TECPR2: variants seen among roughly 807,000 people sequenced by gnomAD.
TECPR2 encodes tectonin beta-propeller repeat-containing protein 2.
Under a neutral mutation model 138.1 loss-of-function variants are expected in TECPR2, and 65 were observed. The ratio of observed to expected loss-of-function variants is 0.47; its 90% CI spans 0.39 to 0.58. The LOEUF is 0.58. Ranked by LOEUF, TECPR2 falls within the 20% of genes least tolerant of loss-of-function variation. The pLI is 0.00. For synonymous variants in TECPR2, 746 were observed against 749.8 expected, an observed-to-expected ratio of 0.99 and a Z score of 0.08; for missense variants, 1,553 against 1,824.5, an observed-to-expected ratio of 0.85 and a Z score of 2.71.
chr14:102,409,465 A>G (rs1370185419), intron 4 of TECPR2, among the ~76,000 whole-genome samples: 2 of 151,886 alleles, frequency 1.3e-5, no homozygotes, highest in African/African-American at 4.8e-5. Context: ...ATGCCCGACT[A>G]ATTTTTGTAT....
At chr14:102,367,827 G>A (rs1287749501) in intron 1 of TECPR2, among the ~76,000 whole-genome samples, 1 of 152,028 alleles carries the variant, frequency 6.6e-6, no homozygotes, top group Non-Finnish European at 1.5e-5. Flanking sequence ...CTGCCCACTG[G>A]TGGCTGCACC....
At chr14:102,391,242 A>G (rs547048073) in intron 2 of TECPR2, among the ~76,000 whole-genome samples, 39 of 152,220 alleles carry the variant, frequency 2.6e-4, no homozygotes, top group African/African-American at 9.1e-4. Context: ...TATTTTTAAT[A>G]GAGACGGGAG....
At chr14:102,425,911 T>C (rs143668858) in intron 6 of TECPR2, among the ~76,000 whole-genome samples, 41 of 142,840 alleles carry the variant, frequency 2.9e-4, no homozygotes, top group African/African-American at 1.1e-3. Flanking sequence ...GGAGTCCTAG[T>C]ATGTCACCCA....
At chr14:102,478,483 C>T (rs1890816604) in intron 17 of TECPR2, among the ~76,000 whole-genome samples, 1 of 151,490 alleles carries the variant, frequency 6.6e-6, no homozygotes, top group Non-Finnish European at 1.5e-5. Context: ...GAGTTCAAGA[C>T]CAGCCTGGGT....
At chr14:102,428,606 C>G (rs1196664694) in intron 7 of TECPR2, among the ~76,000 whole-genome samples, 1 of 151,500 alleles carries the variant, frequency 6.6e-6, no homozygotes, top group Non-Finnish European at 1.5e-5. Flanking sequence ...ACCAAAAATA[C>G]AAAAAACTAG....
At chr14:102,435,682 A>G (rs1341475421) in intron 9 of TECPR2, among the ~76,000 whole-genome samples, 1 of 152,216 alleles carries the variant, frequency 6.6e-6, no homozygotes, top group African/African-American at 2.4e-5. Flanking sequence ...GGCCATTTCC[A>G]GAACTGCTGT....
chr14:102,469,336 C>G (rs940012629), intron 17 of TECPR2, among the ~76,000 whole-genome samples: 2 of 152,138 alleles, frequency 1.3e-5, no homozygotes, highest in South Asian at 2.1e-4. Context: ...CCCTTTGATA[C>G]TATTGTAAAT....
At chr14:102,401,973 A>G (rs915972724) in intron 2 of TECPR2, among the ~76,000 whole-genome samples, 1 of 152,196 alleles carries the variant, frequency 6.6e-6, no homozygotes, top group African/African-American at 2.4e-5. Context: ...AGACAGTTCT[A>G]CAATAAAAGT....
chr14:102,372,954 G>C (rs1453652781), intron 1 of TECPR2, among the ~76,000 whole-genome samples: 1 of 152,044 alleles, frequency 6.6e-6, no homozygotes, highest in Non-Finnish European at 1.5e-5. Context: ...ATTTATAACT[G>C]TTATAAAAAG....
chr14:102,377,572 G>A (rs1887673964), intron 2 of TECPR2, among the ~76,000 whole-genome samples: 1 of 152,118 alleles, frequency 6.6e-6, no homozygotes, highest in Non-Finnish European at 1.5e-5. Flanking sequence ...TGGGCGTGGT[G>A]GCATGCACCT....
intron 7 of TECPR2, among the ~76,000 whole-genome samples, chr14:102,431,522 T>G (rs1889479124): frequency 6.6e-6 from 1 of 152,084 alleles, no homozygotes; most frequent in Non-Finnish European, 1.5e-5. Flanking sequence ...TTTTGTATTT[T>G]TAGTAGAGAC....
intron 17 of TECPR2, among the ~76,000 whole-genome samples, chr14:102,492,298 T>C (rs1012766166): frequency 3.9e-5 from 6 of 152,204 alleles, no homozygotes; most frequent in Non-Finnish European, 7.3e-5. Context: ...GAGAAGCCAC[T>C]ATGCCATGAG....
rs559227186 is a variant in TECPR2, at chr14:102,424,768, G to T, written c.639-211G>T. On this transcript the variant is annotated intron_variant, in intron 5 of 19. Transcript: ENST00000359520. ...TGAATGGTTCCCTGTGTGCTAATGG[G>T]GCACACACCTGTGAGGGTGTGGTCG... Among the ~76,000 whole-genome samples, 104 of 152,318 alleles carry T rather than the reference G, an allele frequency of 6.8e-4. 1 individual carries two copies. Among genetic ancestry groups the T allele is most frequent in the African/African-American group, 2.4e-3 (101 of 41,562 alleles).
At chr14:102,481,063 A>G (rs1396118537) in intron 17 of TECPR2, among the ~76,000 whole-genome samples, 1 of 147,688 alleles carries the variant, frequency 6.8e-6, no homozygotes, top group African/African-American at 2.5e-5. Context: ...CCAGGCGCGT[A>G]GTGCAGTGGC....
At chr14:102,480,299 A>C (rs1048916287) in intron 17 of TECPR2, among the ~76,000 whole-genome samples, 1 of 150,630 alleles carries the variant, frequency 6.6e-6, no homozygotes, top group African/African-American at 2.4e-5. Context: ...ATCTCGGCTC[A>C]CTGCAAGCTC....
chr14:102,454,557 T>C (rs952890042), intron 16 of TECPR2, among the ~76,000 whole-genome samples: 5 of 152,204 alleles, frequency 3.3e-5, no homozygotes, highest in African/African-American at 9.6e-5. Context: ...CAGTGACTGA[T>C]AGACAAGGCT....
intron 4 of TECPR2, among the ~76,000 whole-genome samples, chr14:102,410,005 C>T (rs948368616): frequency 2.6e-5 from 4 of 151,660 alleles, no homozygotes; most frequent in African/African-American, 9.7e-5. Context: ...AGTGTTTCAC[C>T]GTTTTAGCCA....
At chr14:102,368,102 G>T (rs1210253229) in intron 1 of TECPR2, among the ~76,000 whole-genome samples, 1 of 148,260 alleles carries the variant, frequency 6.7e-6, no homozygotes, top group African/African-American at 2.5e-5. Flanking sequence ...CCACCTCTCG[G>T]GTTCAGGTGA....
chr14:102,475,974 G>A (rs935516389), intron 17 of TECPR2, among the ~76,000 whole-genome samples: 2 of 152,166 alleles, frequency 1.3e-5, no homozygotes, highest in Non-Finnish European at 2.9e-5. Context: ...CAGCACATTG[G>A]GAGGCTGAGG....
Sources: allele counts gnomAD v4.1 joint callset (sites outside exome capture counted in the v4.1 genomes callset), GRCh38; gene constraint gnomAD v4.1.1; transcripts MANE v1.5; gene names NCBI Gene and HGNC (gene_info 2026-07-23, HGNC 2026-07-21).